The following KCND2 variants were observed in gnomAD, a reference collection of about 807,000 sequenced individuals.
KCND2 encodes the protein A-type voltage-gated potassium channel KCND2.
In KCND2, 16 loss-of-function variants were observed where a neutral mutation model predicts 54.4. The ratio of observed to expected loss-of-function variants is 0.29; its 90% CI spans 0.20 to 0.45. The LOEUF (loss-of-function observed/expected upper bound fraction) is 0.45, where lower values mean the gene tolerates loss of function less well. Among genes scored for constraint, KCND2 ranks in the 20% least tolerant of loss-of-function variants. KCND2 has a pLI of 1.00. For missense variants in KCND2, 486 were observed against 824.2 expected (o/e 0.59, Z 5.02); for synonymous variants, 317 against 310.7 (o/e 1.02, Z -0.21).
intron 1 of KCND2, among the ~76,000 whole-genome samples, chr7:120,310,369 CAATG>C (rs1165801130): frequency 6.6e-6 from 1 of 152,064 alleles, no homozygotes; most frequent in Non-Finnish European, 1.5e-5. Context: ...AATCTAACGA[CAATG>C]AAGAACAATT....
At chr7:120,677,428 T>C (rs1293821847) in intron 1 of KCND2, among the ~76,000 whole-genome samples, 1 of 151,910 alleles carries the variant, frequency 6.6e-6, no homozygotes, top group Non-Finnish European at 1.5e-5. Flanking sequence ...AAAGGTTCCA[T>C]ATCCAGCTAG....
rs558752602 is a variant in KCND2, at chr7:120,412,841, T to G, written c.1115+137094T>G. On this transcript the variant is annotated intron_variant, in intron 1 of 5. Transcript: ENST00000331113. ...CAGCCCAAACTCCTAATGCTTCCAT[T>G]TTAAGATTTTTTAGGCCACGCTAAA... Among the ~76,000 whole-genome samples, 56 of 152,128 alleles carry G rather than the reference T, an allele frequency of 3.7e-4. 1 individual carries two copies. In the South Asian group the frequency reaches 0.012, roughly 32 times the overall value.
At chr7:120,723,011 G>T (rs1792687818) in intron 1 of KCND2, among the ~76,000 whole-genome samples, 1 of 152,136 alleles carries the variant, frequency 6.6e-6, no homozygotes, top group Admixed American at 6.6e-5. Flanking sequence ...CAGCCTGCAG[G>T]GCAGCAGCGG....
intron 1 of KCND2, among the ~76,000 whole-genome samples, chr7:120,500,395 T>C (rs1438619724): frequency 2.6e-5 from 4 of 152,302 alleles, no homozygotes; most frequent in African/African-American, 9.6e-5. Context: ...ACCTATTCTT[T>C]TCTTTTCTTA....
chr7:120,576,275 C>A (rs976109027), intron 1 of KCND2, among the ~76,000 whole-genome samples: 2 of 152,082 alleles, frequency 1.3e-5, no homozygotes, highest in African/African-American at 2.4e-5. Context: ...CTAACACCAG[C>A]AATTAAATAT....
chr7:120,710,276 A>C (rs1792521430), intron 1 of KCND2, among the ~76,000 whole-genome samples: 1 of 152,212 alleles, frequency 6.6e-6, no homozygotes, highest in Non-Finnish European at 1.5e-5. Context: ...CACACCAGGA[A>C]CAAGGAATTA....
chr7:120,668,942 T>C (rs1221670296), intron 1 of KCND2, among the ~76,000 whole-genome samples: 1 of 152,068 alleles, frequency 6.6e-6, no homozygotes, highest in African/African-American at 2.4e-5. Flanking sequence ...TAAAAAATGT[T>C]TTACAGATGA....
intron 1 of KCND2, among the ~76,000 whole-genome samples, chr7:120,579,525 C>A (rs1350757572): frequency 6.6e-6 from 1 of 151,474 alleles, no homozygotes; most frequent in African/African-American, 2.4e-5. Flanking sequence ...TTGCTTGAAC[C>A]AGGGAGTCGA....
Position 120,274,214 on chromosome 7 carries a change from G to T in KCND2, c.-419G>T. On this transcript the variant is annotated 5_prime_UTR_variant, in exon 1 of 6. Transcript: ENST00000331113. ...CCTAATTCGTCGAAAGAATTCTATT[G>T]GGTGACTCTCGTTCGTCTTCTCTAT... 1 of 211,140 alleles carries T rather than the reference G, an allele frequency of 4.7e-6. No homozygotes were observed. The highest frequency in any genetic ancestry group is 9.6e-6 in the Non-Finnish European group (1 of 104,194). 13.1% of individuals were successfully genotyped at this position (211,140 alleles called of 1,614,324 possible). A position where few individuals can be genotyped will look rare whatever the true frequency, so the allele number is the denominator to read the frequency against.
chr7:120,709,565 T>C (rs1792512564), intron 1 of KCND2, among the ~76,000 whole-genome samples: 1 of 152,186 alleles, frequency 6.6e-6, no homozygotes, highest in African/African-American at 2.4e-5. Flanking sequence ...TTTATCTTTC[T>C]CCTCTCCTCT....
chr7:120,312,912 A>G (rs551811695), intron 1 of KCND2, among the ~76,000 whole-genome samples: 1 of 152,338 alleles, frequency 6.6e-6, no homozygotes, highest in South Asian at 2.1e-4. Flanking sequence ...AAAAAGACTG[A>G]TGACATCCTT....
At chr7:120,466,854 C>G (rs753344427) in intron 1 of KCND2, among the ~76,000 whole-genome samples, 1 of 152,160 alleles carries the variant, frequency 6.6e-6, no homozygotes, top group Admixed American at 6.6e-5. Flanking sequence ...AGAATCCACT[C>G]TCTCATCTTT....
intron 1 of KCND2, among the ~76,000 whole-genome samples, chr7:120,418,641 A>G (rs1312014462): frequency 6.6e-6 from 1 of 152,148 alleles, no homozygotes. Flanking sequence ...ATTAGTTCCC[A>G]GGTGGTGTTT....
intron 1 of KCND2, among the ~76,000 whole-genome samples, chr7:120,294,658 G>T (rs1799482414): frequency 6.6e-6 from 1 of 151,692 alleles, no homozygotes; most frequent in African/African-American, 2.4e-5. Context: ...CATTAATTAG[G>T]TCTTGATTAA....
At chr7:120,595,509 GTATATATATGTATATATA>G (rs1206226873) in intron 1 of KCND2, among the ~76,000 whole-genome samples, 16 of 142,316 alleles carry the variant, frequency 1.1e-4, no homozygotes, top group Non-Finnish European at 1.1e-4. Context: ...GTGTGTGTGT[GTATATATATGTATATATA>G]TGTGTATATA....
intron 1 of KCND2, among the ~76,000 whole-genome samples, chr7:120,518,588 A>T (rs938687110): frequency 1.3e-5 from 2 of 152,184 alleles, no homozygotes; most frequent in African/African-American, 4.8e-5. Flanking sequence ...CATTTATTTT[A>T]TAAACACGTT....
chr7:120,528,046 T>C (rs2116359105), intron 1 of KCND2, among the ~76,000 whole-genome samples: 1 of 152,294 alleles, frequency 6.6e-6, no homozygotes, highest in South Asian at 2.1e-4. Context: ...TACAATAAGC[T>C]ATTACAACAA....
chr7:120,734,743 A>G (rs1197624794), intron 2 of KCND2, among the ~76,000 whole-genome samples: 1 of 152,084 alleles, frequency 6.6e-6, no homozygotes, highest in Non-Finnish European at 1.5e-5. Context: ...GGATAGTTTC[A>G]TTTTTTAAAA....
intron 1 of KCND2, among the ~76,000 whole-genome samples, chr7:120,566,556 G>T (rs993347292): frequency 2.0e-5 from 3 of 151,984 alleles, no homozygotes; most frequent in African/African-American, 7.2e-5. Flanking sequence ...ATATTGCCCA[G>T]GCTGATCTCC....
Sources: allele counts gnomAD v4.1 joint callset (sites outside exome capture counted in the v4.1 genomes callset), GRCh38; gene constraint gnomAD v4.1.1; transcripts MANE v1.5; gene names NCBI Gene and HGNC (gene_info 2026-07-23, HGNC 2026-07-21).